RNF141: variants seen among roughly 807,000 people sequenced by gnomAD.
The protein encoded by RNF141 is ring finger protein 141.
RNF141 carries 18 observed loss-of-function variants against 27.4 expected under a neutral mutation model. The observed-to-expected ratio is 0.66, with a 90% CI of 0.45 to 0.97. RNF141 has a LOEUF of 0.97. Among genes scored for constraint, RNF141 ranks in the 50% least tolerant of loss-of-function variants. The probability of loss-of-function intolerance (pLI) is 0.00; values close to 1 mark genes in which losing one functional copy is unlikely to be tolerated. For missense variants in RNF141, 230 were observed against 279.4 expected (o/e 0.82, Z 1.26); for synonymous variants, 97 against 96.6 (o/e 1.00, Z -0.02).
At chr11:10,520,067 G>A (rs117013174) in intron 4 of RNF141, among the ~76,000 whole-genome samples, 129 of 152,298 alleles carry the variant, frequency 8.5e-4, no homozygotes, top group Non-Finnish European at 1.5e-3. Flanking sequence ...CATGCAGCCC[G>A]TGGGCCGTGA....
intron 4 of RNF141, among the ~76,000 whole-genome samples, chr11:10,523,908 A>G (rs1320931603): frequency 6.6e-6 from 1 of 152,240 alleles, no homozygotes; most frequent in Non-Finnish European, 1.5e-5. Context: ...AGAATACAGG[A>G]AAGACAAGCC....
chr11:10,536,829 C>A (rs1250846242), intron 1 of RNF141, among the ~76,000 whole-genome samples: 2 of 152,184 alleles, frequency 1.3e-5, no homozygotes, highest in Non-Finnish European at 2.9e-5. Flanking sequence ...TAAAATAATC[C>A]TAAACTCTTG....
chr11:10,519,554 A>T (rs1342216064), intron 4 of RNF141, among the ~76,000 whole-genome samples: 1 of 150,956 alleles, frequency 6.6e-6, no homozygotes, highest in Non-Finnish European at 1.5e-5. Flanking sequence ...CTGTGTAAAT[A>T]TCATAGTGTA....
chr11:10,527,653 G>GC (rs1591499127), intron 3 of RNF141, among the ~76,000 whole-genome samples: 1 of 151,996 alleles, frequency 6.6e-6, no homozygotes, highest in South Asian at 2.1e-4. Context: ...CACGGGGGGG[G>GC]GTTTTGAGCC....
chr11:10,530,928 G>A (rs1849980249), intron 2 of RNF141, among the ~76,000 whole-genome samples, 177 bp from the exon 3 acceptor site: 1 of 152,102 alleles, frequency 6.6e-6, no homozygotes, highest in Non-Finnish European at 1.5e-5. Context: ...AGAATATTTT[G>A]AACATAAACA....
At chr11:10,520,337 GATTT>G (rs1849878705) in intron 4 of RNF141, among the ~76,000 whole-genome samples, 2 of 151,960 alleles carry the variant, frequency 1.3e-5, no homozygotes, top group South Asian at 4.1e-4. Context: ...CTATTTTTAA[GATTT>G]ATTTACTTTT....
chr11:10,524,376 G>T (rs148118372), intron 4 of RNF141, among the ~76,000 whole-genome samples: 1 of 152,104 alleles, frequency 6.6e-6, no homozygotes. Context: ...GATCGCGCCT[G>T]GGCGACAGAG....
At position 10,515,819 on chromosome 11, in the gene RNF141, TA is replaced by T. The variant is rs527714189; in HGVS notation, c.543-754del. The stretch of plus-strand genomic sequence containing the variant: ...ATGGCTCATAAGCAACAGGAAGACT[TA>T]TATAAAAATGGAGCATACAAAGTTA... On this transcript the variant is annotated intron_variant, in intron 5 of 5. Coordinates refer to ENST00000265981, the MANE Select transcript of RNF141 (RefSeq NM_016422.4). The T allele has an allele frequency of 5.3e-5, 8 of 152,300 alleles. 1 individual carries two copies. In the South Asian group the frequency reaches 1.7e-3, roughly 32 times the overall value. The allele number at this position is 152,300 out of a possible 1,614,324, so 9.4% of individuals were successfully genotyped here. A position where few individuals can be genotyped will look rare whatever the true frequency, so the allele number is the denominator to read the frequency against.
intron 5 of RNF141, among the ~76,000 whole-genome samples, chr11:10,518,038 A>AT (rs1849856431): frequency 1.3e-5 from 2 of 152,206 alleles, no homozygotes; most frequent in African/African-American, 4.8e-5. Flanking sequence ...AGACCTAAAT[A>AT]AGTGGAGAAA....
chr11:10,518,935 C>T (rs1849863808), intron 5 of RNF141, 99 bp downstream of exon 5: 2 of 778,394 alleles, frequency 2.6e-6, no homozygotes, highest in Admixed American at 5.0e-5. Flanking sequence ...TAAAATCTCT[C>T]TCATACTTAA....
chr11:10,517,118 A>G (rs1485266013), intron 5 of RNF141: 1 of 152,200 alleles, frequency 6.6e-6, no homozygotes, highest in Non-Finnish European at 1.5e-5. Context: ...AAGTTATTAT[A>G]GCTATATTCT....
rs751633199 is a variant in RNF141 at position 10,513,960 on chromosome 11, A to T, written c.*956T>A. ...CAAAGTGCTGGGATTACAGGTGTGA[A>T]CCACTGCACTGGCCTCTTGTCTCTT... On this transcript the variant is annotated 3_prime_UTR_variant, in exon 6 of 6. Transcript: ENST00000265981. 1 of 152,164 alleles carries T rather than the reference A, an allele frequency of 6.6e-6. No individual in the cohort carries two copies. Among genetic ancestry groups the T allele is most frequent in the African/African-American group, 2.4e-5 (1 of 41,414 alleles). 9.4% of individuals were successfully genotyped at this position (152,164 alleles called of 1,614,324 possible).
intron 4 of RNF141, among the ~76,000 whole-genome samples, chr11:10,523,397 A>C (rs974104793): frequency 2.0e-5 from 3 of 152,236 alleles, no homozygotes; most frequent in Non-Finnish European, 4.4e-5. Flanking sequence ...CTTTGGCTGA[A>C]ATGGGCCGAT....
chr11:10,537,267 G>A (rs1850045851), intron 1 of RNF141, among the ~76,000 whole-genome samples: 1 of 152,120 alleles, frequency 6.6e-6, no homozygotes, highest in East Asian at 1.9e-4. Context: ...AGTGTTACAG[G>A]GATTTTTACC....
rs1484618477 is a variant in RNF141, at chr11:10,519,019, C to T, written c.542+15G>A. 6.2e-7 allele frequency: 1 copy of T among 1,603,800 alleles called. No individual in the cohort carries two copies. The highest frequency in any genetic ancestry group is 8.5e-7 in the Non-Finnish European group (1 of 1,170,914). On this transcript the variant is annotated intron_variant, in intron 5 of 5. Coordinates refer to ENST00000265981, the MANE Select transcript of RNF141 (RefSeq NM_016422.4). Reference sequence around the variant, plus strand: ...CTGACCTTGGCCCAGCCCATGAATGCAGTAGGTAACTTACCATTTATCAAT... The same window carrying T: ...CTGACCTTGGCCCAGCCCATGAATGTAGTAGGTAACTTACCATTTATCAAT...
chr11:10,529,965 G>C (rs1165162599), intron 3 of RNF141, among the ~76,000 whole-genome samples: 1 of 152,162 alleles, frequency 6.6e-6, no homozygotes, highest in African/African-American at 2.4e-5. Flanking sequence ...TTATGGGTCA[G>C]TCGGGAATGA....
At chr11:10,532,062 T>C in intron 2 of RNF141, 1 of 437,800 alleles carries the variant, frequency 2.3e-6, no homozygotes, top group Non-Finnish European at 4.5e-6. Context: ...TAAGCTTAGT[T>C]TGTGGATGGT....
Position 10,515,036 on chromosome 11 carries a change from A to G in RNF141, c.573T>C (p.Cys191=). The change falls in exon 6 of 6, where the codon TGT becomes TGC. Residue 191 remains cysteine (C), a synonymous_variant. Transcript: ENST00000265981. ...WSDRHRNCPI[C]RLQMTGANES... is the part of the protein sequence containing the mutation. ...CATTTGCTCCAGTCATCTGTAGGCG[A>G]CAAATAGGGCAATTCCTGTGTCGAT... 1 of 1,613,998 alleles carries G rather than the reference A, an allele frequency of 6.2e-7. No individual in the cohort carries two copies. Among genetic ancestry groups the G allele is most frequent in the East Asian group, 2.2e-5 (1 of 44,880 alleles).
intron 1 of RNF141, among the ~76,000 whole-genome samples, chr11:10,536,816 T>C (rs993487476): frequency 2.6e-5 from 4 of 152,178 alleles, no homozygotes; most frequent in Non-Finnish European, 5.9e-5. Context: ...GCAACAAGTA[T>C]GCTAAAATAA....
Sources: allele counts gnomAD v4.1 joint callset (sites outside exome capture counted in the v4.1 genomes callset), GRCh38; gene constraint gnomAD v4.1.1; transcripts MANE v1.5; gene names NCBI Gene and HGNC (gene_info 2026-07-23, HGNC 2026-07-21).